PCDHGA4: variants seen among roughly 807,000 people sequenced by gnomAD.
PCDHGA4 encodes the protein protocadherin gamma subfamily A, 4, also known as protocadherin gamma-A4.
In PCDHGA4, 38 loss-of-function variants were observed where a neutral mutation model predicts 54.6. That is an observed-to-expected ratio of 0.70 (90% CI 0.54 to 0.91). The LOEUF (loss-of-function observed/expected upper bound fraction) is 0.91. PCDHGA4 is among the 40% of genes least tolerant of loss of function. PCDHGA4 has a pLI of 0.00. For missense variants in PCDHGA4, 1,298 were observed against 1,220.9 expected, an observed-to-expected ratio of 1.06 and a Z score of -0.94; for synonymous variants, 511 against 512.9, an observed-to-expected ratio of 1.00 and a Z score of 0.05.
At chr5:141,364,414 C>T in intron 1 of PCDHGA4, 3 of 1,612,330 alleles carry the variant, frequency 1.9e-6, no homozygotes, top group Non-Finnish European at 2.5e-6. Flanking sequence ...AGCCAGGATC[C>T]GGGCAGATCC....
chr5:141,401,654 G>T (rs566223613), intron 1 of PCDHGA4, among the ~76,000 whole-genome samples: 52 of 152,328 alleles, frequency 3.4e-4, no homozygotes, highest in Middle Eastern at 3.4e-3. Flanking sequence ...TAAATGACTG[G>T]ATGTTTTCTC....
chr5:141,375,144 G>C lies in PCDHGA4; in HGVS notation c.2514+17523G>C, dbSNP rs747224962. On this transcript the variant is annotated intron_variant, in intron 1 of 3. Transcript: ENST00000571252. Reference sequence around the variant, plus strand: ...GAAGTGGTTGTTACATCTGGAAGCAGAACAATTGCTGAAAGTGCACCTCCA... The same window carrying C: ...GAAGTGGTTGTTACATCTGGAAGCACAACAATTGCTGAAAGTGCACCTCCA... 18 of 1,613,936 alleles carry C rather than the reference G, an allele frequency of 1.1e-5. No individual in the cohort carries two copies. The South Asian group carries it at 1.4e-4, about 13-fold the overall frequency.
intron 1 of PCDHGA4, chr5:141,415,762 T>TGTTTG: frequency 7.1e-7 from 1 of 1,399,990 alleles, no homozygotes; most frequent in Non-Finnish European, 9.3e-7. Flanking sequence ...TTTTTTTTTT[T>TGTTTG]TTTTTTTTTT....
At chr5:141,409,502 T>G (rs1311120933) in intron 1 of PCDHGA4, 17 of 1,613,868 alleles carry the variant, frequency 1.1e-5, no homozygotes, top group Non-Finnish European at 1.4e-5. Context: ...GCCTCTTTCT[T>G]CCAGTAGAAG....
chr5:141,359,031 G>A (rs1460907999), intron 1 of PCDHGA4, among the ~76,000 whole-genome samples: 1 of 152,244 alleles, frequency 6.6e-6, no homozygotes, highest in Non-Finnish European at 1.5e-5. Flanking sequence ...ACTGGAAGTT[G>A]TAGTGATAGA....
intron 1 of PCDHGA4, chr5:141,479,399 T>C (rs2099494765): frequency 6.6e-6 from 1 of 152,576 alleles, no homozygotes; most frequent in African/African-American, 2.4e-5. Flanking sequence ...AGTTCTGGGC[T>C]GTGGTGCACT....
chr5:141,421,787 C>T (rs753196648), intron 1 of PCDHGA4: 8 of 1,613,694 alleles, frequency 5.0e-6, no homozygotes, highest in East Asian at 2.2e-5. Context: ...CGGGGCAGAA[C>T]GGATGGGGCC....
intron 1 of PCDHGA4, chr5:141,374,947 C>G (rs768274787): frequency 6.2e-7 from 1 of 1,613,900 alleles, no homozygotes; most frequent in African/African-American, 1.3e-5. Context: ...CAGAAAAGAT[C>G]TCACAAATTT....
chr5:141,383,513 A>T, intron 1 of PCDHGA4: 1 of 1,612,722 alleles, frequency 6.2e-7, no homozygotes, highest in South Asian at 1.1e-5. Flanking sequence ...CGGGAGGAAG[A>T]GCGGGTTCAC....
In PCDHGA4 at chr5:141,387,802, G is replaced by A. The variant is rs916959942; in HGVS notation, c.2514+30181G>A. 2.0e-6 allele frequency: 3 copies of A among 1,511,984 alleles called. No homozygotes were observed. The Admixed American group carries it at 7.0e-5, about 35-fold the overall frequency. 93.7% of individuals were successfully genotyped at this position (1,511,984 alleles called of 1,614,324 possible). On this transcript the variant is annotated intron_variant, in intron 1 of 3. Coordinates refer to ENST00000571252, the MANE Select transcript of PCDHGA4 (RefSeq NM_018917.4). ...CTGGAACTGCAACTAAAGTCCGTTC[G>A]GAGATCCAAAAATCTGCAATACAGA...
At chr5:141,414,242 T>TA in intron 1 of PCDHGA4, 2 of 1,613,538 alleles carry the variant, frequency 1.2e-6, no homozygotes, top group Non-Finnish European at 1.7e-6. Context: ...ATCACGTCTC[T>TA]ATTTAGTCCA....
At chr5:141,384,011 T>C in intron 1 of PCDHGA4, 1 of 1,613,766 alleles carries the variant, frequency 6.2e-7, no homozygotes, top group Non-Finnish European at 8.5e-7. Context: ...CTTTTCTACC[T>C]ACAAGACAGA....
rs1468315559 is a variant in PCDHGA4 at position 141,493,636 on chromosome 5, G to A, written c.2515-1171G>A. 1.3e-5 allele frequency among the ~76,000 whole-genome samples: 2 copies of A among 152,130 alleles called. No individual in the cohort carries two copies. Among genetic ancestry groups the A allele is most frequent in the Non-Finnish European group, 2.9e-5 (2 of 68,040 alleles). The stretch of plus-strand genomic sequence containing the variant: ...TGTGTCTAAGAATACAGTGGCTGAG[G>A]GCTGGCCATCCCTGTGCCCTTCTCC... On this transcript the variant is annotated intron_variant, in intron 1 of 3. Transcript: ENST00000571252. The surrounding 1 kb of genome is among the most constrained non-coding windows in gnomAD (Gnocchi z 4.3).
chr5:141,365,838 C>A, intron 1 of PCDHGA4: 1 of 1,613,976 alleles, frequency 6.2e-7, no homozygotes, highest in Non-Finnish European at 8.5e-7. Flanking sequence ...CCCTTGTCCT[C>A]CTATGTATCC....
Position 141,438,239 on chromosome 5 carries a change from A to C in PCDHGA4, c.2515-56568A>C, listed in dbSNP as rs550172792. Among the ~76,000 whole-genome samples, 9 of 152,298 alleles carry C rather than the reference A, an allele frequency of 5.9e-5. No homozygotes were observed. In the East Asian group the frequency reaches 1.7e-3, roughly 29 times the overall value. On this transcript the variant is annotated intron_variant, in intron 1 of 3. Transcript: ENST00000571252. ...GCTCTGGTTCAGGAAAATGTTTTTA[A>C]AAAACTGTCATTGAAGAGACCATAG...
intron 1 of PCDHGA4, among the ~76,000 whole-genome samples, chr5:141,425,428 T>C (rs1037803701): frequency 1.3e-5 from 2 of 152,238 alleles, no homozygotes; most frequent in African/African-American, 4.8e-5. Context: ...TCCCATTAAA[T>C]AGAGGATAAA....
intron 1 of PCDHGA4, chr5:141,399,398 G>A (rs1374441258): frequency 6.2e-7 from 1 of 1,613,972 alleles, no homozygotes; most frequent in Non-Finnish European, 8.5e-7. Flanking sequence ...ACAGACAGGG[G>A]CAAGCCGCCC....
rs186599132 is a variant in PCDHGA4, at chr5:141,355,599, T to G, written c.492T>G (p.Phe164Leu). The G allele has an allele frequency of 4.5e-5, 73 of 1,613,996 alleles. 1 individual carries two copies. In the African/African-American group the frequency reaches 6.7e-4, roughly 15 times the overall value. ...IIDVNDNPPS[F>L]GTEQREIKVA... ...ATGTTAATGATAACCCACCCAGTTT[T>G]GGGACAGAACAGAGGGAAATAAAAG... Residue 164 changes from phenylalanine (F) to leucine (L), a missense_variant, in exon 1 of 4, where the codon TTT becomes TTG. Phe to Leu is a conservative substitution (Grantham distance 22, BLOSUM62 0). Coordinates refer to ENST00000571252, the MANE Select transcript of PCDHGA4 (RefSeq NM_018917.4).
intron 1 of PCDHGA4, chr5:141,385,135 G>A (rs948872903): frequency 6.2e-7 from 1 of 1,614,214 alleles, no homozygotes; most frequent in Admixed American, 1.7e-5. Context: ...CATGGACGGG[G>A]TGCAGGCTTT....
Sources: gnomAD v4.1 joint callset for allele counts (sites outside exome capture counted in the v4.1 genomes callset) on GRCh38, gnomAD v4.1.1 for gene constraint, Gnocchi (gnomAD v3.1) non-coding constraint, MANE v1.5 for transcripts, NCBI Gene and HGNC (gene_info 2026-07-23, HGNC 2026-07-21) for gene names.